Variants in CHRM2 observed in about 807,000 individuals in gnomAD.
CHRM2 encodes the protein cholinergic receptor muscarinic 2.
Under a neutral mutation model 25.0 loss-of-function variants are expected in CHRM2, and 8 were observed. That is an observed-to-expected ratio of 0.32 (90% CI 0.19 to 0.58). The LOEUF is 0.58. Among genes scored for constraint, CHRM2 ranks in the 20% least tolerant of loss-of-function variants. CHRM2 has a pLI of 0.88. For missense variants in CHRM2, 440 were observed against 567.1 expected (o/e 0.78, Z 2.28); for synonymous variants, 202 against 205.7 (o/e 0.98, Z 0.15).
chr7:136,967,554 G>A (rs925182741), intron 2 of CHRM2, among the ~76,000 whole-genome samples: 2 of 152,024 alleles, frequency 1.3e-5, no homozygotes, highest in African/African-American at 4.8e-5. Context: ...GAAAAGTTGA[G>A]TATTTTGTTA....
chr7:137,011,398 C>A (rs1180683351), intron 3 of CHRM2, among the ~76,000 whole-genome samples: 1 of 151,842 alleles, frequency 6.6e-6, no homozygotes, highest in African/African-American at 2.4e-5. Context: ...AAAGCTTCAG[C>A]ACCCTAGGGC....
chr7:136,980,372 A>C (rs1802403227), intron 2 of CHRM2, among the ~76,000 whole-genome samples: 1 of 152,218 alleles, frequency 6.6e-6, no homozygotes, highest in South Asian at 2.1e-4. Context: ...CTAAATATCC[A>C]ATCATGTCAT....
At position 137,018,224 on chromosome 7, in the gene CHRM2, A is replaced by G. The variant is rs1024244561; in HGVS notation, c.*1958A>G. On this transcript the variant is annotated 3_prime_UTR_variant, in exon 4 of 4. Coordinates refer to ENST00000680005, the MANE Select transcript of CHRM2 (RefSeq NM_001006630.2). ...AGGGAAAAAAAAAACCAAAAAACTT[A>G]TAAGTTAGTAAGAAGCAAATTGCCA... The G allele has an allele frequency of 3.3e-5, 5 of 151,810 alleles. No homozygotes were observed. The highest frequency in any genetic ancestry group is 1.2e-4 in the African/African-American group (5 of 41,396). 9.4% of individuals were successfully genotyped at this position (151,810 alleles called of 1,614,324 possible).
intron 2 of CHRM2, among the ~76,000 whole-genome samples, chr7:136,980,509 C>T (rs1802414573): frequency 6.6e-6 from 1 of 152,174 alleles, no homozygotes; most frequent in Admixed American, 6.5e-5. Flanking sequence ...AGAGGGCATC[C>T]TTGTCTTCTG....
In CHRM2 at chr7:137,019,493, A is replaced by G. The variant is rs575224587; in HGVS notation, c.*3227A>G. The G allele has an allele frequency of 4.6e-5, 7 of 152,008 alleles. No individual in the cohort carries two copies. The highest frequency in any genetic ancestry group is 8.8e-5 in the Non-Finnish European group (6 of 67,894). 9.4% of individuals were successfully genotyped at this position (152,008 alleles called of 1,614,324 possible). A position where few individuals can be genotyped will look rare whatever the true frequency, so the allele number is the denominator to read the frequency against. ...GAGCTGCAATTTTTCCTTTCAAAAA[A>G]TATTAAGAGCCTCTTTCAGAAACAA... On this transcript the variant is annotated 3_prime_UTR_variant, in exon 4 of 4. Transcript: ENST00000680005.
At chr7:136,936,116 G>A (rs1429190668) in intron 2 of CHRM2, among the ~76,000 whole-genome samples, 2 of 152,026 alleles carry the variant, frequency 1.3e-5, no homozygotes, top group Non-Finnish European at 2.9e-5. Context: ...CTATGTTTGG[G>A]TAGCGGAGAT....
intron 2 of CHRM2, among the ~76,000 whole-genome samples, chr7:136,884,795 C>T (rs1796399153): frequency 6.6e-6 from 1 of 152,174 alleles, no homozygotes; most frequent in Non-Finnish European, 1.5e-5. Flanking sequence ...ATACTGTATT[C>T]TCTTTAGGGG....
At chr7:136,893,814 C>T (rs1049014844) in intron 2 of CHRM2, among the ~76,000 whole-genome samples, 4 of 152,174 alleles carry the variant, frequency 2.6e-5, no homozygotes, top group African/African-American at 9.7e-5. Flanking sequence ...GACATGGAAG[C>T]TCTATCCTCT....
chr7:137,012,833 C>T (rs913905787), intron 3 of CHRM2, among the ~76,000 whole-genome samples: 2 of 151,908 alleles, frequency 1.3e-5, no homozygotes, highest in African/African-American at 4.8e-5. Flanking sequence ...TTTCTTAATA[C>T]ATTTTTATAG....
chr7:136,972,421 C>T (rs1459060275), intron 2 of CHRM2, among the ~76,000 whole-genome samples: 1 of 152,084 alleles, frequency 6.6e-6, no homozygotes, highest in Non-Finnish European at 1.5e-5. Flanking sequence ...AATCAATAGC[C>T]TGTCATACTT....
intron 2 of CHRM2, among the ~76,000 whole-genome samples, chr7:136,977,502 A>G (rs1802182300): frequency 6.6e-6 from 1 of 152,198 alleles, no homozygotes; most frequent in Non-Finnish European, 1.5e-5. Flanking sequence ...AATAAGTTGC[A>G]AGTGCTGATA....
intron 3 of CHRM2, among the ~76,000 whole-genome samples, chr7:137,005,830 T>A (rs1804387519): frequency 6.6e-6 from 1 of 152,054 alleles, no homozygotes. Flanking sequence ...TAATTTAGAG[T>A]TATTAAACCA....
intron 2 of CHRM2, among the ~76,000 whole-genome samples, chr7:136,983,437 T>C (rs1584874677): frequency 6.6e-6 from 1 of 152,200 alleles, no homozygotes; most frequent in African/African-American, 2.4e-5. Context: ...CTTCTGTCTA[T>C]TCATCAAACT....
At chr7:136,944,181 C>G (rs1250706627) in intron 2 of CHRM2, among the ~76,000 whole-genome samples, 3 of 152,006 alleles carry the variant, frequency 2.0e-5, no homozygotes, top group African/African-American at 7.2e-5. Context: ...GATTTTGGTG[C>G]ACCCAATACC....
intron 2 of CHRM2, among the ~76,000 whole-genome samples, chr7:136,875,134 TAC>T (rs1229627307): frequency 6.7e-5 from 10 of 149,428 alleles, no homozygotes; most frequent in African/African-American, 2.0e-4. Context: ...TACATATATA[TAC>T]ACACACATAC....
intron 3 of CHRM2, among the ~76,000 whole-genome samples, chr7:136,993,163 T>C (rs931378989): frequency 6.6e-6 from 1 of 152,124 alleles, no homozygotes; most frequent in African/African-American, 2.4e-5. Context: ...TTTTTATTCA[T>C]AGAAGTGAGT....
At chr7:136,931,220 G>A (rs529549022) in intron 2 of CHRM2, among the ~76,000 whole-genome samples, 1 of 152,282 alleles carries the variant, frequency 6.6e-6, no homozygotes, top group South Asian at 2.1e-4. Flanking sequence ...GTATGTTGGG[G>A]AAATAACATT....
chr7:137,008,116 C>A (rs1436865076), intron 3 of CHRM2, among the ~76,000 whole-genome samples: 2 of 151,980 alleles, frequency 1.3e-5, no homozygotes, highest in Non-Finnish European at 2.9e-5. Flanking sequence ...GATTATTATA[C>A]AACATATTTA....
chr7:136,975,826 G>A (rs1202521057), intron 2 of CHRM2, among the ~76,000 whole-genome samples: 1 of 152,126 alleles, frequency 6.6e-6, no homozygotes, highest in East Asian at 1.9e-4. Flanking sequence ...AAATAGAGTA[G>A]GGCAAATTAT....
Sources: gnomAD v4.1 joint callset for allele counts (sites outside exome capture counted in the v4.1 genomes callset) on GRCh38, gnomAD v4.1.1 for gene constraint, MANE v1.5 for transcripts, NCBI Gene and HGNC (gene_info 2026-07-23, HGNC 2026-07-21) for gene names.